Variants in HTRA3 observed in about 807,000 individuals in gnomAD.
The protein encoded by HTRA3 is serine protease HTRA3.
In HTRA3, 41 loss-of-function variants were observed where a neutral mutation model predicts 43.2. The observed-to-expected ratio is 0.95, with a 90% CI of 0.74 to 1.23. HTRA3 has a LOEUF of 1.23. HTRA3 is among the 50% of genes most tolerant of loss of function. The probability of loss-of-function intolerance (pLI) is 0.00; values close to 1 mark genes in which losing one functional copy is unlikely to be tolerated. For missense variants in HTRA3, 628 were observed against 647.1 expected (o/e 0.97, Z 0.32); for synonymous variants, 295 against 287.9 (o/e 1.02, Z -0.25).
At chr4:8,302,407 A>G (rs1578808503) in intron 6 of HTRA3, 56 bp from the exon 7 acceptor site, 2 of 1,518,738 alleles carry the variant, frequency 1.3e-6, no homozygotes, top group East Asian at 4.5e-5. Context: ...CCCCTGAGGG[A>G]GCGTGGTGGC....
chr4:8,304,109 G>A, intron 7 of HTRA3, 75 bp from the exon 8 acceptor site: 1 of 1,206,680 alleles, frequency 8.3e-7, no homozygotes, highest in Non-Finnish European at 1.2e-6. Flanking sequence ...GTGCTGGAGG[G>A]AGGGAGGGGC....
rs1262301025 is a variant in HTRA3 at position 8,282,442 on chromosome 4, C to T, written c.391C>T (p.His131Tyr). 6.2e-7 allele frequency: 1 copy of T among 1,612,788 alleles called. No individual in the cohort carries two copies. Among genetic ancestry groups the T allele is most frequent in the Non-Finnish European group, 8.5e-7 (1 of 1,179,452 alleles). The change falls in exon 2 of 9, where the codon CAC (histidine) becomes TAC (tyrosine). Residue 131 changes from histidine (H) to tyrosine (Y), a missense_variant. His to Tyr is a moderately conservative substitution (Grantham distance 83). Transcript: ENST00000307358. ...GGCCCTTCCCGCCAGCGCAGGTCTCCACCAGCTGAGCAGCCCGCGCTACAA... is the reference window on the plus strand; with the variant it reads ...GGCCCTTCCCGCCAGCGCAGGTCTCTACCAGCTGAGCAGCCCGCGCTACAA... Reference protein sequence around the residue: ...LQKGACPLGLHQLSSPRYKFN... With the variant: ...LQKGACPLGLYQLSSPRYKFN...
At chr4:8,287,176 C>T (rs1713024734) in intron 3 of HTRA3, among the ~76,000 whole-genome samples, 1 of 152,202 alleles carries the variant, frequency 6.6e-6, no homozygotes, top group Non-Finnish European at 1.5e-5. Context: ...GTGGGGAACA[C>T]TTGGGACAGG....
chr4:8,304,661 T>G (rs897078467), intron 8 of HTRA3, among the ~76,000 whole-genome samples: 3 of 138,670 alleles, frequency 2.2e-5, no homozygotes, highest in Non-Finnish European at 3.1e-5. Context: ...TTTTTTTTTT[T>G]TTTTTTTTTT....
intron 3 of HTRA3, among the ~76,000 whole-genome samples, chr4:8,290,253 G>A (rs1384133684): frequency 3.3e-5 from 5 of 152,204 alleles, no homozygotes; most frequent in Admixed American, 1.3e-4. Context: ...GCTCCACGTC[G>A]TCCCCATTAT....
intron 2 of HTRA3, among the ~76,000 whole-genome samples, chr4:8,284,704 G>C (rs2153005048): frequency 6.6e-6 from 1 of 152,350 alleles, no homozygotes; most frequent in East Asian, 1.9e-4. Flanking sequence ...GACAGATGCT[G>C]GGGTCACCGT....
intron 8 of HTRA3, among the ~76,000 whole-genome samples, chr4:8,304,874 G>C (rs1336303763): frequency 2.0e-5 from 3 of 152,100 alleles, no homozygotes; most frequent in Non-Finnish European, 2.9e-5. Flanking sequence ...GGCCAGGCTA[G>C]TCTTGAACTG....
At chr4:8,282,399 G>A in intron 1 of HTRA3, 38 bp from the exon 2 acceptor site, 1 of 1,505,772 alleles carries the variant, frequency 6.6e-7, no homozygotes, top group Non-Finnish European at 9.2e-7. Flanking sequence ...GCAGCATCGT[G>A]ATCTCACTGA....
In HTRA3 at chr4:8,286,207, T is replaced by C. The variant is rs1278441927; in HGVS notation, c.486-354T>C. ...TGCCCACGGTCAGGCAGATAATAAG[T>C]GGGTCCTGGACTTGGGATTAGCATC... is the stretch of plus-strand genomic sequence containing the variant. On this transcript the variant is annotated intron_variant, in intron 2 of 8. Coordinates refer to ENST00000307358, the MANE Select transcript of HTRA3 (RefSeq NM_053044.5). The surrounding 1 kb of genome is among the most constrained non-coding windows in gnomAD (Gnocchi z 4.9). 6.6e-6 allele frequency among the ~76,000 whole-genome samples: 1 copy of C among 152,182 alleles called. No homozygotes were observed. The highest frequency in any genetic ancestry group is 2.4e-5 in the African/African-American group (1 of 41,438).
At chr4:8,288,583 T>C (rs1713091701) in intron 3 of HTRA3, among the ~76,000 whole-genome samples, 1 of 150,704 alleles carries the variant, frequency 6.6e-6, no homozygotes, top group South Asian at 2.1e-4. Context: ...CCTTTTTTTT[T>C]TTTTTTTGAG....
intron 6 of HTRA3, among the ~76,000 whole-genome samples, chr4:8,301,462 C>T (rs1713654112): frequency 1.3e-5 from 2 of 151,628 alleles, no homozygotes; most frequent in Admixed American, 1.3e-4. Flanking sequence ...ACACTCTCAG[C>T]TTTATTATTG....
rs762439470 is a variant in HTRA3 at position 8,282,500 on chromosome 4, T to A, written c.449T>A (p.Ile150Asn). 20 of 1,613,986 alleles carry A rather than the reference T, an allele frequency of 1.2e-5. No individual in the cohort carries two copies. The highest frequency in any genetic ancestry group is 3.3e-5 in the Admixed American group (2 of 59,998). ...TTCATTGCTGACGTGGTGGAGAAGA[T>A]CGCACCAGCCGTGGTCCACATAGAG... ...FNFIADVVEKIAPAVVHIELF... is the reference protein window; with the variant it reads ...FNFIADVVEKNAPAVVHIELF... Residue 150 changes from isoleucine (I) to asparagine (N), a missense_variant, in exon 2 of 9, where the codon ATC (isoleucine) becomes AAC (asparagine). Transcript: ENST00000307358.
chr4:8,272,304 T>C (rs1025145521), intron 1 of HTRA3, among the ~76,000 whole-genome samples: 14 of 152,124 alleles, frequency 9.2e-5, no homozygotes, highest in Non-Finnish European at 1.6e-4. Flanking sequence ...CCCTCAAGCC[T>C]CACAGACCAT....
chr4:8,284,646 G>A lies in HTRA3; in HGVS notation c.486-1915G>A, dbSNP rs1560136868. 3.3e-5 allele frequency among the ~76,000 whole-genome samples: 5 copies of A among 152,320 alleles called. No individual in the cohort carries two copies. In the South Asian group the frequency reaches 1.0e-3, roughly 32 times the overall value. On this transcript the variant is annotated intron_variant, in intron 2 of 8. Transcript: ENST00000307358. ...CAAAACAGGTGCAGTTCCTACTCTG[G>A]GGCACACACGGAGTGGGTGTGGCAG...
chr4:8,289,447 G>A (rs1386868177), intron 3 of HTRA3, among the ~76,000 whole-genome samples: 11 of 152,204 alleles, frequency 7.2e-5, no homozygotes, highest in Non-Finnish European at 1.0e-4. Context: ...TGCAACCCCC[G>A]CTCGAGGACC....
At chr4:8,278,160 G>A (rs1021279400) in intron 1 of HTRA3, among the ~76,000 whole-genome samples, 1 of 152,118 alleles carries the variant, frequency 6.6e-6, no homozygotes, top group African/African-American at 2.4e-5. Flanking sequence ...GAGCCAGCAC[G>A]TGGTCCTCTC....
chr4:8,304,759 G>A (rs1287688528), intron 8 of HTRA3, among the ~76,000 whole-genome samples: 1 of 141,260 alleles, frequency 7.1e-6, no homozygotes, highest in Non-Finnish European at 1.5e-5. Flanking sequence ...GGGCTCAAGC[G>A]ACTCTCCTGC....
chr4:8,272,758 G>T (rs1712341334), intron 1 of HTRA3, among the ~76,000 whole-genome samples: 1 of 152,248 alleles, frequency 6.6e-6, no homozygotes, highest in Non-Finnish European at 1.5e-5. Context: ...GCAAGGCAGA[G>T]ACCTGCACAG....
intron 1 of HTRA3, among the ~76,000 whole-genome samples, chr4:8,280,247 C>T (rs1434828035): frequency 6.6e-6 from 1 of 152,188 alleles, no homozygotes; most frequent in East Asian, 1.9e-4. Context: ...GCACATGGGG[C>T]GCCAGCCTCA....
Sources: gnomAD v4.1 joint callset for allele counts (sites outside exome capture counted in the v4.1 genomes callset) on GRCh38, gnomAD v4.1.1 for gene constraint, Gnocchi (gnomAD v3.1) non-coding constraint, MANE v1.5 for transcripts, NCBI Gene and HGNC (gene_info 2026-07-23, HGNC 2026-07-21) for gene names.